The following SHQ1 variants were observed in gnomAD, a reference collection of about 807,000 sequenced individuals.
SHQ1 encodes the protein protein SHQ1 homolog.
A neutral mutation model predicts 53.8 loss-of-function variants in SHQ1; 49 were observed. The ratio of observed to expected loss-of-function variants is 0.91; its 90% confidence interval spans 0.72 to 1.16. The LOEUF (loss-of-function observed/expected upper bound fraction) is 1.16. SHQ1 is among the 50% of genes most tolerant of loss of function. The pLI, the probability that SHQ1 is intolerant of heterozygous loss-of-function variation, is 0.00. For synonymous variants in SHQ1, 243 were observed against 251.0 expected (o/e 0.97, Z 0.30); for missense variants, 738 against 683.1 (o/e 1.08, Z -0.90).
chr3:72,779,645 G>T (rs1041411182), intron 10 of SHQ1, among the ~76,000 whole-genome samples: 1 of 152,120 alleles, frequency 6.6e-6, no homozygotes, highest in Admixed American at 6.5e-5. Context: ...TGAATGAATG[G>T]ACTGATGAAC....
At chr3:72,792,595 G>A (rs1312739289) in intron 10 of SHQ1, among the ~76,000 whole-genome samples, 1 of 151,940 alleles carries the variant, frequency 6.6e-6, no homozygotes, top group East Asian at 1.9e-4. Flanking sequence ...AGACCAGCCT[G>A]GTCAATGTGG....
intron 4 of SHQ1, among the ~76,000 whole-genome samples, chr3:72,840,581 A>G (rs1708149506): frequency 6.6e-6 from 1 of 151,960 alleles, no homozygotes; most frequent in Admixed American, 6.6e-5. Flanking sequence ...AAAAAAAGAG[A>G]ATAGAAAATG....
chr3:72,735,860 C>T, the SHQ1 span, among the ~76,000 whole-genome samples: 10 of 150,890 alleles, frequency 6.6e-5, no homozygotes, highest in Admixed American at 6.6e-4. Context: ...TGGCTGGGTG[C>T]TGAGTCTCAA....
chr3:72,740,046 T>TGA, the SHQ1 span, among the ~76,000 whole-genome samples: 1 of 152,346 alleles, frequency 6.6e-6, no homozygotes, highest in East Asian at 1.9e-4. Flanking sequence ...AAGAGAGAGC[T>TGA]GAGCCCTGCA....
intron 4 of SHQ1, among the ~76,000 whole-genome samples, chr3:72,838,897 T>C (rs1708075813): frequency 6.6e-6 from 1 of 151,706 alleles, no homozygotes; most frequent in African/African-American, 2.4e-5. Flanking sequence ...AAGTAATAGA[T>C]GTCTAGGTAT....
At chr3:72,762,607 C>T (rs183599759) in intron 10 of SHQ1, among the ~76,000 whole-genome samples, 112 of 152,318 alleles carry the variant, frequency 7.4e-4, no homozygotes, top group Non-Finnish European at 1.0e-3. Flanking sequence ...CCGTTCCATA[C>T]GGGCTGCTGG....
the SHQ1 span, among the ~76,000 whole-genome samples, chr3:72,732,688 C>T: frequency 6.6e-6 from 1 of 151,586 alleles, no homozygotes; most frequent in Non-Finnish European, 1.5e-5. Context: ...GGAGCTCCTC[C>T]AAGCCCATAT....
At chr3:72,756,958 AG>A (rs1215677763) in intron 10 of SHQ1, among the ~76,000 whole-genome samples, 1 of 152,198 alleles carries the variant, frequency 6.6e-6, no homozygotes, top group East Asian at 1.9e-4. Context: ...TGACTGTAGG[AG>A]GGGGAAAGCC....
At chr3:72,739,725 ATAGAAT>A in the SHQ1 span, among the ~76,000 whole-genome samples, 6 of 152,228 alleles carry the variant, frequency 3.9e-5, no homozygotes, top group Non-Finnish European at 7.3e-5. Context: ...AGAAGCCAAG[ATAGAAT>A]TAGAAGTGCA....
intron 10 of SHQ1, chr3:72,773,511 T>C (rs1705897447): frequency 4.0e-6 from 1 of 247,786 alleles, no homozygotes; most frequent in South Asian, 5.1e-5. Context: ...AAAAAAGAAC[T>C]TCCACGAAGA....
chr3:72,816,131 A>C (rs1452420828), intron 7 of SHQ1, among the ~76,000 whole-genome samples: 1 of 152,194 alleles, frequency 6.6e-6, no homozygotes, highest in Non-Finnish European at 1.5e-5. Flanking sequence ...GGCACCCTAG[A>C]AATTTTCAGA....
At chr3:72,816,277 C>T (rs1707313783) in intron 7 of SHQ1, among the ~76,000 whole-genome samples, 1 of 152,138 alleles carries the variant, frequency 6.6e-6, no homozygotes, top group Admixed American at 6.5e-5. Flanking sequence ...AATATAGACA[C>T]ACGCGCACAC....
rs1210245337 is a variant in SHQ1 at position 72,817,233 on chromosome 3, C to G, written c.879G>C (p.Lys293Asn). The change falls in exon 7 of 11, where the codon AAG becomes AAC. Residue 293 changes from lysine to asparagine, a missense_variant. By Grantham distance (94) the Lys-to-Asn change is moderately conservative. Coordinates refer to ENST00000325599, the MANE Select transcript of SHQ1 (RefSeq NM_018130.3). The part of the protein sequence containing the change: ...CYETRVTEGE[K>N]NVESAWNIRK... ...ATGCACACATACATGCACTTACATT[C>G]TTCTCTCCTTCAGTGACACGGGTTT... 1.2e-6 allele frequency: 2 copies of G among 1,611,988 alleles called. No homozygotes were observed. Among genetic ancestry groups the G allele is most frequent in the Non-Finnish European group, 1.7e-6 (2 of 1,179,160 alleles).
At chr3:72,753,341 T>A in intron 10 of SHQ1, 1 of 985,456 alleles carries the variant, frequency 1.0e-6, no homozygotes, top group Non-Finnish European at 1.2e-6. Flanking sequence ...GAGGCTTCAT[T>A]TCAGTGGAGC....
chr3:72,812,492 T>C (rs1707155707), intron 9 of SHQ1, among the ~76,000 whole-genome samples, 179 bp downstream of exon 9: 1 of 152,240 alleles, frequency 6.6e-6, no homozygotes, highest in Admixed American at 6.5e-5. Flanking sequence ...TATGCCTCTA[T>C]GCAATTACTT....
Position 72,751,498 on chromosome 3 carries a change from G to GTACATATATATA in SHQ1, c.1182-663_1182-662insTATATATATGTA, listed in dbSNP as rs1274696079. 2.2e-3 allele frequency among the ~76,000 whole-genome samples: 264 copies of GTACATATATATA among 119,842 alleles called. 1 individual carries two copies. Among genetic ancestry groups the GTACATATATATA allele is most frequent in the Admixed American group, 5.9e-3 (76 of 12,926 alleles). The allele number at this position is 119,842 out of a possible 152,430, so 78.6% of individuals were successfully genotyped here. A position where few individuals can be genotyped will look rare whatever the true frequency, so the allele number is the denominator to read the frequency against. On this transcript the variant is annotated intron_variant, in intron 10 of 10. Transcript: ENST00000325599. ...CATATGTGTGTGTGTGTGTGTGTGT[G>GTACATATATATA]TGTGTGTGTGTATATATATATATAT...
chr3:72,848,323 G>C lies in SHQ1; in HGVS notation c.18C>G (p.Phe6Leu). Residue 6 changes from phenylalanine to leucine, a missense_variant, in exon 1 of 11, where the codon TTC becomes TTG. Coordinates refer to ENST00000325599, the MANE Select transcript of SHQ1 (RefSeq NM_018130.3). ...GGAAGTCCGGATCCTGGCTGAGGTC[G>C]AACGCCGGGGTCAGCATCGCCGCAC... MLTPA[F>L]DLSQDPDFLT... is the part of the protein sequence containing the mutation. 1.2e-6 allele frequency: 2 copies of C among 1,614,070 alleles called. No individual in the cohort carries two copies. The highest frequency in any genetic ancestry group is 1.7e-6 in the Non-Finnish European group (2 of 1,179,996).
intron 10 of SHQ1, among the ~76,000 whole-genome samples, chr3:72,787,240 C>T (rs779645766): frequency 1.3e-5 from 2 of 152,172 alleles, no homozygotes; most frequent in African/African-American, 2.4e-5. Context: ...AACCATTAAT[C>T]AGTTTAATGC....
At chr3:72,815,556 T>C (rs1707286817) in intron 7 of SHQ1, among the ~76,000 whole-genome samples, 153 bp from the exon 8 acceptor site, 2 of 152,208 alleles carry the variant, frequency 1.3e-5, no homozygotes, top group African/African-American at 4.8e-5. Flanking sequence ...ATTATTTTGC[T>C]GATACAGAGA....
Sources: allele counts gnomAD v4.1 joint callset (sites outside exome capture counted in the v4.1 genomes callset), GRCh38; gene constraint gnomAD v4.1.1; transcripts MANE v1.5; gene names NCBI Gene and HGNC (gene_info 2026-07-23, HGNC 2026-07-21).